The following PDE4D variants were observed in gnomAD, a reference collection of about 807,000 sequenced individuals.
The protein encoded by PDE4D is 3',5'-cyclic-AMP phosphodiesterase 4D.
PDE4D carries 24 observed loss-of-function variants against 87.4 expected under a neutral mutation model. That is an observed-to-expected ratio of 0.27 (90% CI 0.20 to 0.39). The LOEUF (loss-of-function observed/expected upper bound fraction) is 0.39. PDE4D is among the 10% of genes least tolerant of loss of function. The pLI is 1.00. For synonymous variants in PDE4D, 384 were observed against 383.2 expected, an observed-to-expected ratio of 1.00 and a Z score of -0.02; for missense variants, 714 against 1,041.0, an observed-to-expected ratio of 0.69 and a Z score of 4.32.
At chr5:59,192,742 G>A (rs372341145) in intron 3 of PDE4D, among the ~76,000 whole-genome samples, 1 of 152,092 alleles carries the variant, frequency 6.6e-6, no homozygotes, top group African/African-American at 2.4e-5. Context: ...GCCCTTAGTT[G>A]TCTATACCAG....
At chr5:59,690,301 C>T (rs1337116560) in intron 1 of PDE4D, among the ~76,000 whole-genome samples, 8 of 152,190 alleles carry the variant, frequency 5.3e-5, no homozygotes, top group African/African-American at 1.9e-4. Context: ...AGGCATCACG[C>T]TGCCTGACTT....
rs1418667886 is a variant in PDE4D, at chr5:59,059,128, G to C, written c.809-20157C>G. Among the ~76,000 whole-genome samples, 7 of 152,040 alleles carry C rather than the reference G, an allele frequency of 4.6e-5. No individual in the cohort carries two copies. In the East Asian group the frequency reaches 1.3e-3, roughly 29 times the overall value. On this transcript the variant is annotated intron_variant, in intron 5 of 14. Transcript: ENST00000340635. ...TACTACTGGGATGTAATTGTGCTTG[G>C]CTTTAATTTCTTGTAATGATGGAAC...
intron 1 of PDE4D, among the ~76,000 whole-genome samples, chr5:59,731,153 G>A (rs1757309111): frequency 1.3e-5 from 2 of 152,028 alleles, no homozygotes; most frequent in African/African-American, 2.4e-5. Flanking sequence ...CTGGAAGGTA[G>A]GGGCAAGTAT....
At chr5:59,820,177 G>A (rs1027284737) in intron 1 of PDE4D, among the ~76,000 whole-genome samples, 1 of 152,046 alleles carries the variant, frequency 6.6e-6, no homozygotes, top group Non-Finnish European at 1.5e-5. Context: ...TCTTTTTCTT[G>A]CCTCTCCCAT....
At chr5:59,877,520 G>T in intron 1 of PDE4D, among the ~76,000 whole-genome samples, 1 of 146,102 alleles carries the variant, frequency 6.8e-6, no homozygotes, top group East Asian at 2.0e-4. Flanking sequence ...CAAAAAAAAA[G>T]CTTAGATAAG....
intron 5 of PDE4D, among the ~76,000 whole-genome samples, chr5:59,141,539 C>T (rs1403760574): frequency 6.6e-6 from 1 of 152,198 alleles, no homozygotes; most frequent in Non-Finnish European, 1.5e-5. Context: ...CCAGGTGAGG[C>T]TCCAGGCCTA....
At chr5:60,109,199 A>T in intron 2 of PDE4D, among the ~76,000 whole-genome samples, 1 of 152,226 alleles carries the variant, frequency 6.6e-6, no homozygotes, top group Non-Finnish European at 1.5e-5. Flanking sequence ...AAGTGGGCGA[A>T]GGCCATGAAC....
chr5:60,390,291 T>A (rs1762474208), intron 1 of PDE4D, among the ~76,000 whole-genome samples: 1 of 152,196 alleles, frequency 6.6e-6, no homozygotes, highest in Non-Finnish European at 1.5e-5. Context: ...TCAAAGTTAT[T>A]CTGCAGTAGT....
intron 1 of PDE4D, among the ~76,000 whole-genome samples, chr5:60,299,865 C>T (rs1304028697): frequency 6.6e-6 from 1 of 152,138 alleles, no homozygotes; most frequent in Non-Finnish European, 1.5e-5. Flanking sequence ...TGAACATACA[C>T]ATGTATGTAT....
intron 2 of PDE4D, among the ~76,000 whole-genome samples, chr5:60,064,081 A>T (rs999807134): frequency 2.0e-5 from 3 of 151,958 alleles, no homozygotes; most frequent in African/African-American, 7.3e-5. Flanking sequence ...ATTTTAAGTA[A>T]TTTTTTCTCT....
intron 2 of PDE4D, among the ~76,000 whole-genome samples, chr5:60,016,965 C>A (rs1013479930): frequency 6.6e-6 from 1 of 152,188 alleles, no homozygotes; most frequent in East Asian, 1.9e-4. Flanking sequence ...CTATCTATAG[C>A]AGCTACAGCT....
At chr5:59,739,316 A>G (rs1283389796) in intron 1 of PDE4D, among the ~76,000 whole-genome samples, 1 of 152,100 alleles carries the variant, frequency 6.6e-6, no homozygotes, top group Non-Finnish European at 1.5e-5. Flanking sequence ...GCTATTCGGG[A>G]GGCTGAGATG....
At chr5:59,788,214 C>T (rs894086870) in intron 1 of PDE4D, among the ~76,000 whole-genome samples, 2 of 151,966 alleles carry the variant, frequency 1.3e-5, no homozygotes, top group African/African-American at 4.8e-5. Context: ...GTTCATGGTA[C>T]AGTGTCATTT....
intron 1 of PDE4D, among the ~76,000 whole-genome samples, chr5:59,499,623 C>T (rs993348675): frequency 6.6e-6 from 1 of 151,968 alleles, no homozygotes; most frequent in Non-Finnish European, 1.5e-5. Context: ...CATAAAAGAT[C>T]CTCAGAGACT....
intron 1 of PDE4D, among the ~76,000 whole-genome samples, chr5:59,365,913 C>T (rs1490227519): frequency 6.6e-6 from 1 of 152,108 alleles, no homozygotes; most frequent in Non-Finnish European, 1.5e-5. Flanking sequence ...CTTAGTAGGG[C>T]AATCAGTCCT....
At chr5:59,273,798 A>G (rs562828233) in intron 1 of PDE4D, among the ~76,000 whole-genome samples, 2 of 152,168 alleles carry the variant, frequency 1.3e-5, no homozygotes, top group South Asian at 4.1e-4. Context: ...TACAATTTAA[A>G]ACAAAAAATA....
At chr5:59,846,846 C>T (rs1449146581) in intron 1 of PDE4D, among the ~76,000 whole-genome samples, 4 of 151,914 alleles carry the variant, frequency 2.6e-5, no homozygotes, top group African/African-American at 2.4e-5. Context: ...CAGGGTGTTG[C>T]CAGATTTGCT....
chr5:59,885,716 C>G (rs529847414), intron 1 of PDE4D, among the ~76,000 whole-genome samples: 28 of 136,090 alleles, frequency 2.1e-4, no homozygotes, highest in African/African-American at 6.6e-4. Context: ...GTTATTTTCA[C>G]TCTTACATGT....
intron 2 of PDE4D, among the ~76,000 whole-genome samples, chr5:60,128,317 T>G (rs765076214): frequency 6.6e-6 from 1 of 152,162 alleles, no homozygotes; most frequent in Non-Finnish European, 1.5e-5. Context: ...TTGGATAGAG[T>G]GCAGTATCAT....
Sources: allele counts gnomAD v4.1 joint callset (sites outside exome capture counted in the v4.1 genomes callset), GRCh38; gene constraint gnomAD v4.1.1; transcripts MANE v1.5; gene names NCBI Gene and HGNC (gene_info 2026-07-23, HGNC 2026-07-21).